The following RERE variants were observed in gnomAD, a reference collection of about 807,000 sequenced individuals.
RERE encodes the protein arginine-glutamic acid dipeptide repeats.
In RERE, 40 loss-of-function variants were observed where a neutral mutation model predicts 146.1. The ratio of observed to expected loss-of-function variants is 0.27; its 90% CI spans 0.21 to 0.36. RERE has a LOEUF of 0.36. Ranked by LOEUF, RERE falls within the 10% of genes least tolerant of loss-of-function variation. RERE has a pLI of 1.00. For missense variants in RERE, 1,933 were observed against 2,138.7 expected (o/e 0.90, Z 1.90); for synonymous variants, 1,003 against 866.0 (o/e 1.16, Z -2.78).
intron 7 of RERE, among the ~76,000 whole-genome samples, chr1:8,520,323 A>C (rs1377362115): frequency 6.6e-6 from 1 of 152,196 alleles, no homozygotes; most frequent in East Asian, 1.9e-4. Flanking sequence ...TTACTGAAGA[A>C]GACTCCAGGC....
intron 4 of RERE, among the ~76,000 whole-genome samples, chr1:8,581,945 T>A (rs994203806): frequency 1.3e-4 from 20 of 152,220 alleles, no homozygotes; most frequent in South Asian, 1.0e-3. Flanking sequence ...TTCTTAAATA[T>A]ATTATTATTT....
rs144174535 is a variant in RERE at position 8,466,011 on chromosome 1, C to T, written c.1117G>A (p.Gly373Ser). The T allele has an allele frequency of 2.2e-3, 3,472 of 1,608,774 alleles. 8 individuals carry two copies. The highest frequency in any genetic ancestry group is 2.7e-3 in the Non-Finnish European group (3,185 of 1,175,776). The change falls in exon 11 of 23, where the codon GGT (glycine) becomes AGT (serine). Residue 373 changes from glycine (G) to serine (S), a missense_variant. Transcript: ENST00000400908. ...LNALNTLHES[G>S]YDAGKALQRL... is the part of the protein sequence containing the mutation. ...TGCAGGGCTTTGCCAGCATCGTAAC[C>T]GCTTTCATGCAGCTAAAACAACAAC...
At chr1:8,384,619 G>T (rs1389627989) in intron 12 of RERE, among the ~76,000 whole-genome samples, 1 of 152,212 alleles carries the variant, frequency 6.6e-6, no homozygotes, top group African/African-American at 2.4e-5. Flanking sequence ...CACTTAAAAA[G>T]TCTTGTCACA....
intron 11 of RERE, among the ~76,000 whole-genome samples, chr1:8,449,784 T>C (rs957304784): frequency 2.6e-5 from 4 of 152,208 alleles, no homozygotes; most frequent in Admixed American, 6.5e-5. Flanking sequence ...ACAAAGATTA[T>C]TGGATGGGGG....
chr1:8,500,186 T>C (rs1023388382), intron 8 of RERE, among the ~76,000 whole-genome samples: 4 of 152,148 alleles, frequency 2.6e-5, no homozygotes, highest in Admixed American at 2.6e-4. Context: ...CAAAAGGTCT[T>C]TGACACTAGT....
chr1:8,422,911 T>G, intron 11 of RERE, 104 bp from the exon 12 acceptor site: 1 of 867,976 alleles, frequency 1.2e-6, no homozygotes, highest in Non-Finnish European at 1.9e-6. Context: ...ACAAAAAAAG[T>G]CTCGGCTAGG....
chr1:8,633,737 G>A (rs1647063364), intron 2 of RERE, among the ~76,000 whole-genome samples: 1 of 151,946 alleles, frequency 6.6e-6, no homozygotes, highest in African/African-American at 2.4e-5. Context: ...GACCAACCTG[G>A]GCAACGTGGC....
At chr1:8,584,334 CAG>C (rs1323817690) in intron 4 of RERE, among the ~76,000 whole-genome samples, 13 of 152,014 alleles carry the variant, frequency 8.6e-5, no homozygotes, top group African/African-American at 3.1e-4. Context: ...GGCAGGAGGA[CAG>C]GAGTTCGAGA....
chr1:8,605,261 T>C (rs934242267), intron 4 of RERE, among the ~76,000 whole-genome samples: 6 of 152,150 alleles, frequency 3.9e-5, no homozygotes, highest in African/African-American at 1.2e-4. Context: ...GCCTCCCAAG[T>C]AGCTGGGACT....
intron 1 of RERE, among the ~76,000 whole-genome samples, chr1:8,793,681 C>G (rs1220537256): frequency 6.6e-6 from 1 of 152,206 alleles, no homozygotes; most frequent in Non-Finnish European, 1.5e-5. Context: ...CAGGACCGTT[C>G]AGAGGGCGGA....
At chr1:8,769,165 A>T (rs1224518471) in intron 1 of RERE, among the ~76,000 whole-genome samples, 4 of 152,200 alleles carry the variant, frequency 2.6e-5, no homozygotes, top group African/African-American at 9.6e-5. Flanking sequence ...AATGTTTTTT[A>T]CCCAATGATT....
intron 10 of RERE, among the ~76,000 whole-genome samples, chr1:8,480,253 C>T (rs1236566057): frequency 6.6e-6 from 1 of 150,882 alleles, no homozygotes; most frequent in Non-Finnish European, 1.5e-5. Context: ...AATTCTCCTG[C>T]CTCAACCTCC....
chr1:8,758,024 G>C (rs1640678953), intron 1 of RERE, among the ~76,000 whole-genome samples: 1 of 152,060 alleles, frequency 6.6e-6, no homozygotes, highest in African/African-American at 2.4e-5. Context: ...AGTGAAATAA[G>C]TCAGACATAG....
chr1:8,412,910 T>C (rs181048194), intron 12 of RERE, among the ~76,000 whole-genome samples: 102 of 152,278 alleles, frequency 6.7e-4, no homozygotes, highest in African/African-American at 2.4e-3. Flanking sequence ...GAAGCTTTGG[T>C]GGTGCCAGAT....
At chr1:8,380,512 C>G (rs926298411) in intron 12 of RERE, among the ~76,000 whole-genome samples, 1 of 152,122 alleles carries the variant, frequency 6.6e-6, no homozygotes, top group African/African-American at 2.4e-5. Context: ...CCGCACCTGG[C>G]TAATTTTTGT....
At chr1:8,751,591 A>G (rs1239418146) in intron 1 of RERE, among the ~76,000 whole-genome samples, 1 of 152,186 alleles carries the variant, frequency 6.6e-6, no homozygotes, top group Non-Finnish European at 1.5e-5. Flanking sequence ...GTGAAAGCAC[A>G]TGCAGAACAT....
At chr1:8,538,755 A>C (rs1645759313) in intron 7 of RERE, among the ~76,000 whole-genome samples, 1 of 152,270 alleles carries the variant, frequency 6.6e-6, no homozygotes. Flanking sequence ...GACATAGGGA[A>C]CACAAGTGTA....
At chr1:8,645,088 T>C (rs745887088) in intron 2 of RERE, among the ~76,000 whole-genome samples, 2 of 152,090 alleles carry the variant, frequency 1.3e-5, no homozygotes, top group Non-Finnish European at 2.9e-5. Context: ...AGGGAAACAA[T>C]GTCTAGGTTG....
intron 11 of RERE, among the ~76,000 whole-genome samples, chr1:8,441,173 C>T (rs1644242891): frequency 6.6e-6 from 1 of 152,176 alleles, no homozygotes. Flanking sequence ...AGCCCAGCTC[C>T]TATGGGGGCG....
Sources: allele counts gnomAD v4.1 joint callset (sites outside exome capture counted in the v4.1 genomes callset), GRCh38; gene constraint gnomAD v4.1.1; transcripts MANE v1.5; gene names NCBI Gene and HGNC (gene_info 2026-07-23, HGNC 2026-07-21).